WDFY1: variants seen among roughly 807,000 people sequenced by gnomAD.
WDFY1 encodes the protein WD repeat and FYVE domain containing 1.
In WDFY1, 32 loss-of-function variants were observed where a neutral mutation model predicts 56.4. The ratio of observed to expected loss-of-function variants is 0.57; its 90% confidence interval spans 0.43 to 0.76. WDFY1 has a LOEUF of 0.76. WDFY1 is among the 30% of genes least tolerant of loss of function. The pLI, the probability that WDFY1 is intolerant of heterozygous loss-of-function variation, is 0.00. For synonymous variants in WDFY1, 192 were observed against 197.3 expected (o/e 0.97, Z 0.23); for missense variants, 480 against 545.7 (o/e 0.88, Z 1.20).
intron 8 of WDFY1, among the ~76,000 whole-genome samples, chr2:223,887,981 T>A (rs1036431982): frequency 1.3e-5 from 2 of 152,340 alleles, no homozygotes; most frequent in South Asian, 4.1e-4. Flanking sequence ...TGAAATAGTT[T>A]TCTACACAAA....
chr2:223,925,464 G>A (rs1294970482), intron 1 of WDFY1, among the ~76,000 whole-genome samples: 3 of 152,262 alleles, frequency 2.0e-5, no homozygotes, highest in East Asian at 1.9e-4. Flanking sequence ...AACCTTCAGC[G>A]AGGGGTAATC....
rs1372972021 is a variant in WDFY1 at position 223,945,079 on chromosome 2, G to A, written c.137+69C>T. Reference sequence around the variant, plus strand: ...CCCTCACGCAGGAAGGACCGGGGCCGCGGACCCCACCGCCCCCACACCCCG... The same window carrying A: ...CCCTCACGCAGGAAGGACCGGGGCCACGGACCCCACCGCCCCCACACCCCG... On this transcript the variant is annotated intron_variant, in intron 1 of 11. Transcript: ENST00000233055. The A allele has an allele frequency of 1.0e-5, 15 of 1,483,968 alleles. No individual in the cohort carries two copies. The South Asian group carries it at 1.9e-4, about 19-fold the overall frequency. The allele number at this position is 1,483,968 out of a possible 1,614,324, so 91.9% of individuals were successfully genotyped here. A position where few individuals can be genotyped will look rare whatever the true frequency, so the allele number is the denominator to read the frequency against.
rs1306308892 is a variant in WDFY1 at position 223,876,509 on chromosome 2, T to C, written c.*2162A>G. 4 of 152,404 alleles carry C rather than the reference T, an allele frequency of 2.6e-5. No individual in the cohort carries two copies. Among genetic ancestry groups the C allele is most frequent in the Non-Finnish European group, 5.9e-5 (4 of 68,026 alleles). The allele number at this position is 152,404 out of a possible 1,614,324, so 9.4% of individuals were successfully genotyped here. A position where few individuals can be genotyped will look rare whatever the true frequency, so the allele number is the denominator to read the frequency against. On this transcript the variant is annotated 3_prime_UTR_variant, in exon 12 of 12. Coordinates refer to ENST00000233055, the MANE Select transcript of WDFY1 (RefSeq NM_020830.5). ...GATAGGCCTGGTGGAGAGCAAGCTA[T>C]ATGGAAACATCAGCCTTTCCTTTTC... is the stretch of plus-strand genomic sequence containing the variant.
chr2:223,892,759 C>T (rs946875582), intron 8 of WDFY1, among the ~76,000 whole-genome samples: 1 of 152,198 alleles, frequency 6.6e-6, no homozygotes, highest in Non-Finnish European at 1.5e-5. Flanking sequence ...GCACAGCACA[C>T]TGAACAACAT....
At chr2:223,885,954 A>G (rs1244669120) in intron 8 of WDFY1, among the ~76,000 whole-genome samples, 1 of 152,192 alleles carries the variant, frequency 6.6e-6, no homozygotes, top group Admixed American at 6.5e-5. Flanking sequence ...TTTTGGTATT[A>G]TTCATCTTGA....
intron 6 of WDFY1, among the ~76,000 whole-genome samples, chr2:223,897,365 TATATATATATATATA>T (rs1693400854): frequency 3.5e-5 from 1 of 28,362 alleles, no homozygotes; most frequent in Admixed American, 3.8e-4. Context: ...TATATATATA[TATATATATATATATA>T]TATATATATA....
At chr2:223,926,200 G>T (rs1693975624) in intron 1 of WDFY1, among the ~76,000 whole-genome samples, 1 of 152,172 alleles carries the variant, frequency 6.6e-6, no homozygotes, top group African/African-American at 2.4e-5. Flanking sequence ...AGGCTGGAGT[G>T]CAGTAGCACA....
At chr2:223,890,180 A>G (rs1203558057) in intron 8 of WDFY1, among the ~76,000 whole-genome samples, 2 of 152,172 alleles carry the variant, frequency 1.3e-5, no homozygotes, top group African/African-American at 4.8e-5. Flanking sequence ...TTAAGAAAGA[A>G]TATTACTTTG....
At chr2:223,934,852 TA>T (rs1212759373) in intron 1 of WDFY1, among the ~76,000 whole-genome samples, 3 of 152,234 alleles carry the variant, frequency 2.0e-5, no homozygotes, top group African/African-American at 7.2e-5. Context: ...GACAAATATG[TA>T]AATGAGTAAC....
chr2:223,928,625 C>T (rs924717779), intron 1 of WDFY1, among the ~76,000 whole-genome samples: 3 of 152,232 alleles, frequency 2.0e-5, no homozygotes, highest in South Asian at 4.1e-4. Flanking sequence ...AAATGTTCCA[C>T]TCCCTAAGAG....
At chr2:223,913,993 C>T (rs612752) in intron 2 of WDFY1, among the ~76,000 whole-genome samples, 49 of 88,126 alleles carry the variant, frequency 5.6e-4, no homozygotes, top group Admixed American at 1.1e-3. Context: ...AATCAGTTAG[C>T]TTTTTTTTTT....
intron 5 of WDFY1, 98 bp downstream of exon 5, chr2:223,901,085 T>C (rs1693500015): frequency 7.1e-7 from 1 of 1,409,988 alleles, no homozygotes; most frequent in Non-Finnish European, 9.4e-7. Context: ...ATAGGTTTCA[T>C]TCAGTCTTTA....
chr2:223,940,592 C>T (rs1207421856), intron 1 of WDFY1, among the ~76,000 whole-genome samples: 4 of 151,430 alleles, frequency 2.6e-5, no homozygotes, highest in African/African-American at 4.9e-5. Context: ...GTTTTGAACT[C>T]TTTGATGGTT....
intron 3 of WDFY1, among the ~76,000 whole-genome samples, chr2:223,909,165 G>A (rs615833): frequency 0.88 from 133,430 of 152,188 alleles, 59,031 homozygotes; most frequent in Non-Finnish European, 0.95. Flanking sequence ...GCTACTTATT[G>A]TACAGATCCC....
intron 4 of WDFY1, among the ~76,000 whole-genome samples, chr2:223,904,415 C>A (rs113373750): frequency 3.1e-5 from 1 of 32,704 alleles, no homozygotes; most frequent in Non-Finnish European, 7.7e-5. Context: ...CCAGGTCCAG[C>A]TAATTTTTGT....
intron 5 of WDFY1, chr2:223,900,954 C>T (rs566954700): frequency 3.0e-4 from 140 of 468,008 alleles, no homozygotes; most frequent in African/African-American, 2.6e-3. Flanking sequence ...TTACAGCAAA[C>T]TTACGGAAGT....
chr2:223,934,519 T>C (rs1694136829), intron 1 of WDFY1, among the ~76,000 whole-genome samples: 1 of 152,140 alleles, frequency 6.6e-6, no homozygotes, highest in Admixed American at 6.5e-5. Flanking sequence ...AAAAATTTTA[T>C]TTTATTTTTT....
At chr2:223,884,542 A>T in intron 9 of WDFY1, 106 bp downstream of exon 9, 2 of 1,005,562 alleles carry the variant, frequency 2.0e-6, no homozygotes, top group Non-Finnish European at 1.6e-6. Context: ...TGTAGGAATT[A>T]ATAGCATTTG....
At chr2:223,939,101 G>A (rs984453245) in intron 1 of WDFY1, among the ~76,000 whole-genome samples, 2 of 152,148 alleles carry the variant, frequency 1.3e-5, no homozygotes, top group Admixed American at 6.5e-5. Flanking sequence ...TTGTAGAGCC[G>A]TGGTTCTAAG....
Sources: allele counts gnomAD v4.1 joint callset (sites outside exome capture counted in the v4.1 genomes callset), GRCh38; gene constraint gnomAD v4.1.1; transcripts MANE v1.5; gene names NCBI Gene and HGNC (gene_info 2026-07-23, HGNC 2026-07-21).